The following TMEM184B variants were observed in gnomAD, a reference collection of about 807,000 sequenced individuals.
TMEM184B encodes the protein putative MAPK-activating protein FM08.
A neutral mutation model predicts 41.8 loss-of-function variants in TMEM184B; 17 were observed. That is an observed-to-expected ratio of 0.41 (90% CI 0.28 to 0.61). The LOEUF is 0.61. TMEM184B is among the 20% of genes least tolerant of loss of function. TMEM184B has a pLI of 0.34. For synonymous variants in TMEM184B, 240 were observed against 229.5 expected, an observed-to-expected ratio of 1.05 and a Z score of -0.41; for missense variants, 393 against 557.8, an observed-to-expected ratio of 0.70 and a Z score of 2.98.
intron 1 of TMEM184B, among the ~76,000 whole-genome samples, chr22:38,252,311 T>G (rs2092183653): frequency 1.3e-5 from 2 of 152,188 alleles, no homozygotes; most frequent in African/African-American, 2.4e-5. Flanking sequence ...TCCTCCCATC[T>G]TGGCCTCCCA....
At chr22:38,242,923 G>A (rs1033699156) in intron 3 of TMEM184B, among the ~76,000 whole-genome samples, 10 of 151,950 alleles carry the variant, frequency 6.6e-5, no homozygotes, top group East Asian at 3.9e-4. Flanking sequence ...TTAGCTGGGC[G>A]TGGTAGCACA....
chr22:38,248,829 G>A (rs555421020), intron 1 of TMEM184B, among the ~76,000 whole-genome samples: 55 of 152,286 alleles, frequency 3.6e-4, no homozygotes, highest in Admixed American at 2.1e-3. Flanking sequence ...CTTTACTGCT[G>A]AGGCCTCCTC....
chr22:38,238,019 C>G (rs1315250493), intron 3 of TMEM184B, among the ~76,000 whole-genome samples: 1 of 151,780 alleles, frequency 6.6e-6, no homozygotes, highest in East Asian at 1.9e-4. Context: ...AGGCTGGTCT[C>G]GAACTCCCGA....
chr22:38,261,975 C>G (rs2092375386), intron 1 of TMEM184B, among the ~76,000 whole-genome samples: 1 of 151,702 alleles, frequency 6.6e-6, no homozygotes, highest in Admixed American at 6.5e-5. Flanking sequence ...CACACGCGCC[C>G]CCAAAGACAA....
chr22:38,254,034 C>G (rs1174372709), intron 1 of TMEM184B, among the ~76,000 whole-genome samples: 1 of 152,002 alleles, frequency 6.6e-6, no homozygotes, highest in African/African-American at 2.4e-5. Flanking sequence ...AACCCTGTCT[C>G]TACTAAAAAT....
chr22:38,256,965 T>C (rs574213413), intron 1 of TMEM184B, among the ~76,000 whole-genome samples: 27 of 150,088 alleles, frequency 1.8e-4, no homozygotes, highest in Non-Finnish European at 3.8e-4. Flanking sequence ...AGCCTGGAAG[T>C]GGACATTAAT....
chr22:38,217,939 G>T (rs1280970360), downstream of TMEM184B, among the ~76,000 whole-genome samples: 1 of 152,072 alleles, frequency 6.6e-6, no homozygotes, highest in Non-Finnish European at 1.5e-5. Context: ...TTGCACCACT[G>T]CACAATCTAG....
chr22:38,219,491 T>G lies in TMEM184B; in HGVS notation c.*1978A>C. 1 of 985,650 alleles carries G rather than the reference T, an allele frequency of 1.0e-6. No individual in the cohort carries two copies. The highest frequency in any genetic ancestry group is 1.2e-6 in the Non-Finnish European group (1 of 829,860). 61.1% of individuals were successfully genotyped at this position (985,650 alleles called of 1,614,324 possible). On this transcript the variant is annotated 3_prime_UTR_variant, in exon 9 of 9. Coordinates refer to ENST00000361906, the MANE Select transcript of TMEM184B (RefSeq NM_012264.5). ...CATACAATTAATTTTTCAAGTATTCTTTATGTACAAAGAGCTACTCTACCT... is the reference window on the plus strand; with the variant it reads ...CATACAATTAATTTTTCAAGTATTCGTTATGTACAAAGAGCTACTCTACCT...
At chr22:38,259,968 G>A (rs1409781346) in intron 1 of TMEM184B, among the ~76,000 whole-genome samples, 1 of 143,400 alleles carries the variant, frequency 7.0e-6, no homozygotes, top group Non-Finnish European at 1.5e-5. Context: ...TTGTGAGACG[G>A]AGTCTCACTC....
chr22:38,225,453 T>C lies in TMEM184B; in HGVS notation c.758A>G (p.Lys253Arg). 1 of 1,576,134 alleles carries C rather than the reference T, an allele frequency of 6.3e-7. No individual in the cohort carries two copies. The stretch of plus-strand genomic sequence containing the variant: ...CCAGAAGGAAAGAAAGATGACGGAC[T>C]TGACCATGAAGAACTTGAGGACGGG... ...YSPVLKFFMV[K>R]SVIFLSFWQG... The change falls in exon 7 of 9, where the codon AAG becomes AGG. Residue 253 changes from lysine to arginine, a missense_variant. Transcript: ENST00000361906. This position sits in a 1 kb window ranked among gnomAD's most constrained non-coding sequence, Gnocchi z 4.4.
At chr22:38,253,017 CTG>C (rs2092202393) in intron 1 of TMEM184B, among the ~76,000 whole-genome samples, 1 of 152,142 alleles carries the variant, frequency 6.6e-6, no homozygotes, top group South Asian at 2.1e-4. Context: ...TGGCAGGCGC[CTG>C]TAGTCCCAGC....
chr22:38,230,379 C>T (rs973543945), intron 5 of TMEM184B, among the ~76,000 whole-genome samples: 6 of 152,228 alleles, frequency 3.9e-5, no homozygotes, highest in Non-Finnish European at 7.3e-5. Context: ...AGAATCCCCA[C>T]GCACTTCTTC....
chr22:38,245,513 C>A (rs550553598), intron 3 of TMEM184B, among the ~76,000 whole-genome samples: 2 of 143,488 alleles, frequency 1.4e-5, no homozygotes, highest in Non-Finnish European at 3.0e-5. Context: ...CTGTCTGAGA[C>A]GCCAGCACTA....
Position 38,230,740 on chromosome 22 carries a change from T to C in TMEM184B, c.454A>G (p.Ser152Gly). Reference protein sequence around the residue: ...SEIRGKPIESSCMYGTCCLWG... With the variant: ...SEIRGKPIESGCMYGTCCLWG... ...AGGCAGCAGGTGCCATACATACAGC[T>C]GGACCTGGAAGAGACAAGCATAGCA... The change falls in exon 5 of 9, where the codon AGC becomes GGC. Residue 152 changes from serine (S) to glycine (G), a missense_variant. This residue lies in a region of TMEM184B where 271 missense variants were observed against 434.1 expected (regional missense o/e 0.62). Coordinates refer to ENST00000361906, the MANE Select transcript of TMEM184B (RefSeq NM_012264.5). 2 of 1,611,648 alleles carry C rather than the reference T, an allele frequency of 1.2e-6. No individual in the cohort carries two copies. Among genetic ancestry groups the C allele is most frequent in the Non-Finnish European group, 1.7e-6 (2 of 1,179,018 alleles).
intron 1 of TMEM184B, among the ~76,000 whole-genome samples, chr22:38,257,180 C>G (rs561280162): frequency 6.6e-6 from 1 of 152,094 alleles, no homozygotes; most frequent in South Asian, 2.1e-4. Flanking sequence ...AAAAAATCCT[C>G]TCATAGCTGA....
At chr22:38,272,380 C>T (rs28605332) in intron 1 of TMEM184B, 2 of 751,236 alleles carry the variant, frequency 2.7e-6, no homozygotes, top group Non-Finnish European at 3.2e-6. Flanking sequence ...TCCAAACCTG[C>T]GGACCTGTGT....
chr22:38,234,880 G>A (rs570373309), intron 3 of TMEM184B, among the ~76,000 whole-genome samples: 8 of 152,284 alleles, frequency 5.3e-5, no homozygotes, highest in South Asian at 4.1e-4. Context: ...TGTCTTAAGC[G>A]CTCCATGCCC....
chr22:38,264,890 C>T (rs2145778787), intron 1 of TMEM184B, among the ~76,000 whole-genome samples: 1 of 152,302 alleles, frequency 6.6e-6, no homozygotes, highest in African/African-American at 2.4e-5. Context: ...AAGCCGTGCT[C>T]CCACTGACTG....
intron 1 of TMEM184B, among the ~76,000 whole-genome samples, chr22:38,264,204 G>C (rs1013509464): frequency 2.0e-5 from 3 of 152,192 alleles, no homozygotes; most frequent in Admixed American, 6.5e-5. Flanking sequence ...ACCCACACCG[G>C]CCCCAACTCA....
Sources: allele counts gnomAD v4.1 joint callset (sites outside exome capture counted in the v4.1 genomes callset), GRCh38; gene constraint gnomAD v4.1.1; regional missense constraint gnomAD v4.1.1; non-coding constraint Gnocchi (gnomAD v3.1); transcripts MANE v1.5; gene names NCBI Gene and HGNC (gene_info 2026-07-23, HGNC 2026-07-21).